ATP2B2: variants seen among roughly 807,000 people sequenced by gnomAD.
ATP2B2 encodes plasma membrane calcium-transporting ATPase 2.
ATP2B2 carries 15 observed loss-of-function variants against 120.0 expected under a neutral mutation model. The observed-to-expected ratio is 0.12, with a 90% CI of 0.08 to 0.19. The LOEUF is 0.19. ATP2B2 is among the 10% of genes least tolerant of loss of function. The probability of loss-of-function intolerance (pLI) is 1.00; values close to 1 mark genes in which losing one functional copy is unlikely to be tolerated. For synonymous variants in ATP2B2, 694 were observed against 700.3 expected, an observed-to-expected ratio of 0.99 and a Z score of 0.14; for missense variants, 1,045 against 1,719.8, an observed-to-expected ratio of 0.61 and a Z score of 6.94.
At chr3:10,648,926 C>T (rs1454161084) in intron 1 of ATP2B2, among the ~76,000 whole-genome samples, 2 of 152,216 alleles carry the variant, frequency 1.3e-5, no homozygotes, top group African/African-American at 2.4e-5. Context: ...CATCATCTTT[C>T]CAATTCATTT....
chr3:10,402,356 A>G lies in ATP2B2; in HGVS notation c.398-8T>C. The G allele has an allele frequency of 6.2e-7, 1 of 1,612,660 alleles. No homozygotes were observed. Among genetic ancestry groups the G allele is most frequent in the African/African-American group, 1.3e-5 (1 of 75,044 alleles). On this transcript the variant is annotated splice_region_variant and splice_polypyrimidine_tract_variant and intron_variant, in intron 3 of 22. Transcript: ENST00000360273. This position sits in a 1 kb window ranked among gnomAD's most constrained non-coding sequence, Gnocchi z 4.9. Reference sequence around the variant, plus strand: ...CCTGGGCCGTCGCACATCCTGAAAGACCAGATAGAAGCAGGCAGAGTGAGG... The same window carrying G: ...CCTGGGCCGTCGCACATCCTGAAAGGCCAGATAGAAGCAGGCAGAGTGAGG...
chr3:10,408,844 C>T (rs1352482842), intron 3 of ATP2B2, among the ~76,000 whole-genome samples: 1 of 152,160 alleles, frequency 6.6e-6, no homozygotes, highest in Non-Finnish European at 1.5e-5. Context: ...TTGCATGAGG[C>T]CATGTATCCG....
In ATP2B2 at chr3:10,340,047, A is replaced by AG; in HGVS notation, c.3237+194dup. ...ACAGGAGCAGTGGTAGATAGATATA[A>AG]GGCAAAAATCAGAGCAGTAGTACCC... is the stretch of plus-strand genomic sequence containing the variant. On this transcript the variant is annotated intron_variant, in intron 21 of 22. Transcript: ENST00000360273. The surrounding 1 kb of genome is among the most constrained non-coding windows in gnomAD (Gnocchi z 5.0). Among the ~76,000 whole-genome samples, 1 of 152,356 alleles carries AG rather than the reference A, an allele frequency of 6.6e-6. No homozygotes were observed. The highest frequency in any genetic ancestry group is 2.1e-4 in the South Asian group (1 of 4,832).
At chr3:10,344,831 G>T (rs148240542) in intron 18 of ATP2B2, among the ~76,000 whole-genome samples, 1 of 152,318 alleles carries the variant, frequency 6.6e-6, no homozygotes, top group Non-Finnish European at 1.5e-5. Flanking sequence ...GCATAGGGCT[G>T]CTCCAGACCC....
chr3:10,404,935 C>T (rs772134850), intron 3 of ATP2B2, among the ~76,000 whole-genome samples: 30 of 152,188 alleles, frequency 2.0e-4, no homozygotes, highest in Admixed American at 7.2e-4. Flanking sequence ...AATGGGAAGG[C>T]TGTTATTTCC....
chr3:10,336,947 C>T (rs901244465), intron 22 of ATP2B2, among the ~76,000 whole-genome samples: 1 of 152,224 alleles, frequency 6.6e-6, no homozygotes, highest in Admixed American at 6.5e-5. Context: ...GCAGTGACAG[C>T]ACCAGGGACA....
chr3:10,494,929 G>A (rs2066082493), intron 1 of ATP2B2, among the ~76,000 whole-genome samples: 1 of 152,212 alleles, frequency 6.6e-6, no homozygotes, highest in African/African-American at 2.4e-5. Context: ...GATACAGCTT[G>A]TCAGTGGCAA....
intron 3 of ATP2B2, among the ~76,000 whole-genome samples, chr3:10,405,731 C>T (rs1370711): frequency 0.65 from 98,396 of 152,014 alleles, 33,250 homozygotes; most frequent in African/African-American, 0.83. Context: ...TTGGCCTCTT[C>T]GGGCCTGTCT....
chr3:10,611,133 C>T (rs1329087868), intron 2 of ATP2B2, among the ~76,000 whole-genome samples: 1 of 152,222 alleles, frequency 6.6e-6, no homozygotes, highest in Non-Finnish European at 1.5e-5. Flanking sequence ...GCACCGTCTG[C>T]CTGTTAGAAC....
At chr3:10,549,898 C>G (rs1033525299) in intron 2 of ATP2B2, among the ~76,000 whole-genome samples, 10 of 152,244 alleles carry the variant, frequency 6.6e-5, no homozygotes, top group African/African-American at 2.4e-4. Context: ...GGAGGGGCGT[C>G]TGACCTTACC....
chr3:10,605,559 C>T (rs966516067), intron 2 of ATP2B2, among the ~76,000 whole-genome samples: 18 of 152,092 alleles, frequency 1.2e-4, no homozygotes, highest in African/African-American at 3.9e-4. Context: ...GAAATAAAGA[C>T]CTAAGAACAG....
intron 8 of ATP2B2, among the ~76,000 whole-genome samples, chr3:10,379,591 AG>A (rs2061475121): frequency 6.6e-6 from 1 of 152,194 alleles, no homozygotes; most frequent in Admixed American, 6.5e-5. Context: ...CAGAGGGTGC[AG>A]GGGATTAGAG....
At chr3:10,598,150 TC>T (rs2068816704) in intron 2 of ATP2B2, among the ~76,000 whole-genome samples, 1 of 152,154 alleles carries the variant, frequency 6.6e-6, no homozygotes, top group Non-Finnish European at 1.5e-5. Context: ...TGAGAGGTAT[TC>T]CAGAAAGGCC....
At chr3:10,538,026 G>C (rs908631055) in intron 2 of ATP2B2, among the ~76,000 whole-genome samples, 2 of 152,152 alleles carry the variant, frequency 1.3e-5, no homozygotes, top group African/African-American at 4.8e-5. Flanking sequence ...TTTTTACACA[G>C]TGTTGAATTC....
chr3:10,637,048 G>T (rs2070040875), intron 1 of ATP2B2, among the ~76,000 whole-genome samples: 1 of 152,176 alleles, frequency 6.6e-6, no homozygotes, highest in Admixed American at 6.5e-5. Context: ...ATTCATGGAC[G>T]TTGAGTTGAG....
At chr3:10,549,722 C>A (rs1356058558) in intron 2 of ATP2B2, among the ~76,000 whole-genome samples, 1 of 151,792 alleles carries the variant, frequency 6.6e-6, no homozygotes, top group East Asian at 2.0e-4. Context: ...CCATCTCAAA[C>A]CCCTGCCCTG....
At chr3:10,512,088 A>G (rs1470369029) in intron 3 of ATP2B2, among the ~76,000 whole-genome samples, 1 of 152,270 alleles carries the variant, frequency 6.6e-6, no homozygotes, top group East Asian at 1.9e-4. Flanking sequence ...AGAGGTGAGG[A>G]AACGAGCCCA....
chr3:10,587,829 G>A (rs1407904178), intron 2 of ATP2B2, among the ~76,000 whole-genome samples: 1 of 152,164 alleles, frequency 6.6e-6, no homozygotes, highest in East Asian at 1.9e-4. Flanking sequence ...AATAGCCAGA[G>A]ATCAATAATA....
chr3:10,639,710 AG>A (rs1382805176), intron 1 of ATP2B2, among the ~76,000 whole-genome samples: 1 of 152,248 alleles, frequency 6.6e-6, no homozygotes, highest in Non-Finnish European at 1.5e-5. Flanking sequence ...TGAAGGGACA[AG>A]GAGGAGAAAG....
Sources: allele counts gnomAD v4.1 joint callset (sites outside exome capture counted in the v4.1 genomes callset), GRCh38; gene constraint gnomAD v4.1.1; non-coding constraint Gnocchi (gnomAD v3.1); transcripts MANE v1.5; gene names NCBI Gene and HGNC (gene_info 2026-07-23, HGNC 2026-07-21).